Variants in ATXN8OS observed in about 807,000 individuals in gnomAD.
ATXN8OS encodes ATXN8 opposite strand lncRNA.
At chr13:70,117,253 AG>A (rs1336849349) in intron 2 of ATXN8OS, among the ~76,000 whole-genome samples, 1 of 152,010 alleles carries the variant, frequency 6.6e-6, no homozygotes, top group East Asian at 1.9e-4. Flanking sequence ...CACACACAAA[AG>A]TAACCATTTT....
intron 3 of ATXN8OS, among the ~76,000 whole-genome samples, chr13:70,136,833 G>A (rs993047450): frequency 3.9e-5 from 6 of 152,058 alleles, no homozygotes; most frequent in African/African-American, 1.4e-4. Flanking sequence ...TAAAATAAAC[G>A]TTTCGTAGGG....
At chr13:70,156,135 C>CAA (rs113157212) in intron 4 of ATXN8OS, among the ~76,000 whole-genome samples, 34,029 of 151,378 alleles carry the variant, frequency 0.22, 4,119 homozygotes, top group African/African-American at 0.31. Flanking sequence ...TGCAATAATA[C>CAA]AAAAAAAATG....
intron 2 of ATXN8OS, among the ~76,000 whole-genome samples, chr13:70,128,159 G>A (rs1481453774): frequency 6.6e-6 from 1 of 152,046 alleles, no homozygotes; most frequent in Non-Finnish European, 1.5e-5. Context: ...CGCCTTACAA[G>A]CTTAGGCATT....
chr13:70,149,699 C>T (rs565917379), intron 4 of ATXN8OS, among the ~76,000 whole-genome samples: 1 of 152,206 alleles, frequency 6.6e-6, no homozygotes, highest in Non-Finnish European at 1.5e-5. Flanking sequence ...ATAACAACAG[C>T]ATGCCATCGG....
chr13:70,122,778 T>C (rs376300233), intron 2 of ATXN8OS, among the ~76,000 whole-genome samples: 1 of 151,932 alleles, frequency 6.6e-6, no homozygotes, highest in Non-Finnish European at 1.5e-5. Flanking sequence ...AAGGGAGAGA[T>C]ACAAAGATAG....
chr13:70,129,227 A>G (rs1389054323), intron 2 of ATXN8OS, among the ~76,000 whole-genome samples: 2 of 152,186 alleles, frequency 1.3e-5, no homozygotes, highest in African/African-American at 4.8e-5. Context: ...TGTATACAAC[A>G]ATAATATAGC....
chr13:70,115,613 A>C (rs1888268234), intron 2 of ATXN8OS, among the ~76,000 whole-genome samples: 1 of 152,146 alleles, frequency 6.6e-6, no homozygotes, highest in Non-Finnish European at 1.5e-5. Context: ...AGGGCAAAGA[A>C]CATGTCTTAT....
chr13:70,133,836 CTA>C (rs1285797534), intron 3 of ATXN8OS, among the ~76,000 whole-genome samples: 1 of 152,090 alleles, frequency 6.6e-6, no homozygotes, highest in Non-Finnish European at 1.5e-5. Flanking sequence ...ACAACTACAA[CTA>C]TGAGACAACA....
exon 1 of ATXN8OS, chr13:70,107,907 G>C (rs1165619274): frequency 3.9e-6 from 2 of 515,718 alleles, no homozygotes; most frequent in East Asian, 3.1e-5. Context: ...AGCCGTGGTC[G>C]GGTCCGCAGG....
intron 3 of ATXN8OS, among the ~76,000 whole-genome samples, chr13:70,132,347 AGGCC>A (rs1888546240): frequency 1.3e-5 from 2 of 150,576 alleles, no homozygotes; most frequent in Admixed American, 1.3e-4. Flanking sequence ...ATGCAGCTGG[AGGCC>A]ATTATCCTAA....
chr13:70,171,282 C>T (rs1235921961), exon 5 of ATXN8OS, among the ~76,000 whole-genome samples: 5 of 152,258 alleles, frequency 3.3e-5, no homozygotes, highest in Admixed American at 2.0e-4. Flanking sequence ...TCTATTTACA[C>T]ATCCAGTTAG....
intron 4 of ATXN8OS, among the ~76,000 whole-genome samples, chr13:70,168,750 T>C (rs140978474): frequency 1.3e-5 from 2 of 152,204 alleles, no homozygotes; most frequent in Admixed American, 1.3e-4. Context: ...TAATATCCCA[T>C]TGTATATATA....
intron 3 of ATXN8OS, among the ~76,000 whole-genome samples, chr13:70,146,156 T>C (rs1158080071): frequency 4.0e-5 from 6 of 149,676 alleles, no homozygotes; most frequent in Non-Finnish European, 7.4e-5. Flanking sequence ...AAAAAACACA[T>C]GAAAAAATGC....
intron 2 of ATXN8OS, among the ~76,000 whole-genome samples, chr13:70,118,910 T>C (rs1362675297): frequency 6.6e-6 from 1 of 151,588 alleles, no homozygotes. Flanking sequence ...TTGGCTCAGA[T>C]ATATACTTTT....
At chr13:70,168,381 C>G (rs2137509155) in intron 4 of ATXN8OS, among the ~76,000 whole-genome samples, 1 of 152,166 alleles carries the variant, frequency 6.6e-6, no homozygotes, top group South Asian at 2.1e-4. Context: ...TTCAAATCCT[C>G]TCTTCTAGCT....
intron 4 of ATXN8OS, among the ~76,000 whole-genome samples, chr13:70,168,999 T>G (rs1024350197): frequency 9.9e-5 from 15 of 152,280 alleles, no homozygotes; most frequent in African/African-American, 3.6e-4. Flanking sequence ...GTAATGTCAC[T>G]GATGCTTATT....
chr13:70,113,590 A>C (rs73520649), intron 1 of ATXN8OS, among the ~76,000 whole-genome samples: 2 of 152,150 alleles, frequency 1.3e-5, no homozygotes, highest in African/African-American at 4.8e-5. Context: ...GTAAGATTAT[A>C]GTTTATAAAA....
intron 4 of ATXN8OS, among the ~76,000 whole-genome samples, chr13:70,167,425 C>T (rs1456853286): frequency 1.3e-5 from 2 of 151,942 alleles, no homozygotes; most frequent in African/African-American, 4.8e-5. Context: ...AAACCAAACA[C>T]CACATGTTCT....
chr13:70,160,280 G>A (rs529801191), intron 4 of ATXN8OS, among the ~76,000 whole-genome samples: 4 of 151,484 alleles, frequency 2.6e-5, no homozygotes, highest in Admixed American at 1.3e-4. Flanking sequence ...TTACCCTAAT[G>A]TTTCATGACA....
Sources: allele counts gnomAD v4.1 joint callset (sites outside exome capture counted in the v4.1 genomes callset), GRCh38; gene constraint gnomAD v4.1.1; transcripts MANE v1.5; gene names NCBI Gene and HGNC (gene_info 2026-07-23, HGNC 2026-07-21).